RAB37: variants seen among roughly 807,000 people sequenced by gnomAD.
The protein encoded by RAB37 is RAB37, member RAS oncogene family.
Under a neutral mutation model 33.1 loss-of-function variants are expected in RAB37, and 29 were observed. The ratio of observed to expected loss-of-function variants is 0.88; its 90% CI spans 0.65 to 1.20. The LOEUF is 1.20. RAB37 is among the 50% of genes most tolerant of loss of function. RAB37 has a pLI of 0.00. For synonymous variants in RAB37, 128 were observed against 119.5 expected (o/e 1.07, Z -0.47); for missense variants, 299 against 301.1 (o/e 0.99, Z 0.05).
intron 1 of RAB37, among the ~76,000 whole-genome samples, chr17:74,701,507 T>A (rs2033047557): frequency 6.6e-6 from 1 of 152,172 alleles, no homozygotes; most frequent in African/African-American, 2.4e-5. Context: ...TCAAAGCAGT[T>A]TGGTAGAAAA....
chr17:74,741,552 C>T lies in RAB37; in HGVS notation c.204+674C>T, dbSNP rs569140303. Among the ~76,000 whole-genome samples, 8 of 147,858 alleles carry T rather than the reference C, an allele frequency of 5.4e-5. No homozygotes were observed. In the South Asian group the frequency reaches 1.5e-3, roughly 28 times the overall value. On this transcript the variant is annotated intron_variant, in intron 2 of 8. Transcript: ENST00000392613. ...AGTGAGCTGAGATCGCGCCACTGCA[C>T]TCCAGCCTGGGCAACAAAGTGAGAC... is the stretch of plus-strand genomic sequence containing the variant.
At chr17:74,712,980 T>C in intron 1 of RAB37, 1 of 1,072,784 alleles carries the variant, frequency 9.3e-7, no homozygotes, top group Non-Finnish European at 1.4e-6. Context: ...CCTCCTTCAG[T>C]CACTTCCCAT....
rs1262620230 is a variant in RAB37, at chr17:74,729,494, G to C, written c.183+128G>C. The C allele has an allele frequency of 2.3e-5, 17 of 733,436 alleles. No individual in the cohort carries two copies. The highest frequency in any genetic ancestry group is 3.7e-5 in the Non-Finnish European group (15 of 406,928). 45.4% of individuals were successfully genotyped at this position (733,436 alleles called of 1,614,324 possible). ...TTCAAGGAGGATTAAGGAGAAGACT[G>C]TTCCCCAAGGTGTAGGAGGGTGTTG... On this transcript the variant is annotated intron_variant, in intron 2 of 7. Coordinates refer to the RAB37 transcript ENST00000340415. This position sits in a 1 kb window ranked among gnomAD's most constrained non-coding sequence, Gnocchi z 4.2.
intron 1 of RAB37, among the ~76,000 whole-genome samples, chr17:74,715,954 C>T (rs1055770388): frequency 2.0e-5 from 3 of 152,228 alleles, no homozygotes; most frequent in South Asian, 2.1e-4. Context: ...TGCTTGAACC[C>T]GGGAGGCAGA....
intron 1 of RAB37, among the ~76,000 whole-genome samples, chr17:74,728,687 TG>T (rs1485400500): frequency 6.6e-6 from 1 of 151,438 alleles, no homozygotes; most frequent in Non-Finnish European, 1.5e-5. Context: ...TGTGTGCATG[TG>T]TGTTCTGTGC....
chr17:74,702,413 T>C (rs897249300), intron 1 of RAB37, among the ~76,000 whole-genome samples: 2 of 152,208 alleles, frequency 1.3e-5, no homozygotes, highest in Non-Finnish European at 2.9e-5. Context: ...CATTTGTATC[T>C]GCCCATTCTT....
chr17:74,731,870 C>T (rs1040657579), intron 2 of RAB37, among the ~76,000 whole-genome samples: 7 of 152,180 alleles, frequency 4.6e-5, no homozygotes, highest in East Asian at 1.9e-4. Context: ...GTTTGCCAGG[C>T]GTGGTGGCAC....
intron 1 of RAB37, among the ~76,000 whole-genome samples, chr17:74,708,691 C>T (rs985437463): frequency 6.6e-5 from 10 of 152,212 alleles, no homozygotes; most frequent in South Asian, 4.1e-4. Flanking sequence ...CCAAGGCGGG[C>T]GGATCAGGAG....
At chr17:74,694,779 C>T (rs9913698) in intron 1 of RAB37, 158,223 of 234,026 alleles carry the variant, frequency 0.68, 58,055 homozygotes, top group Middle Eastern at 0.81. Context: ...CATTGTATTA[C>T]GATAATGGTA....
chr17:74,697,832 A>T, intron 1 of RAB37, among the ~76,000 whole-genome samples: 1 of 152,180 alleles, frequency 6.6e-6, no homozygotes. Flanking sequence ...CAATTTCCTG[A>T]TCAGACTTGG....
rs761124850 is a variant in RAB37 at position 74,740,848 on chromosome 17, C to G, written c.174C>G (p.Thr58=). 1.9e-6 allele frequency: 3 copies of G among 1,613,962 alleles called. No homozygotes were observed. The highest frequency in any genetic ancestry group is 1.1e-5 in the South Asian group (1 of 91,086). The change falls in exon 2 of 9, where the codon ACC becomes ACG. Residue 58 remains threonine, a synonymous_variant. Transcript: ENST00000392613. The part of the protein sequence containing the change: ...QFKDGAFLSG[T]FIATVGIDFR... ...AAGACGGGGCCTTCCTGTCCGGAACCTTCATAGCCACCGTCGGCATAGACT... is the reference window on the plus strand; with the variant it reads ...AAGACGGGGCCTTCCTGTCCGGAACGTTCATAGCCACCGTCGGCATAGACT...
At chr17:74,701,740 C>T (rs1322342776) in intron 1 of RAB37, among the ~76,000 whole-genome samples, 1 of 151,420 alleles carries the variant, frequency 6.6e-6, no homozygotes, top group African/African-American at 2.4e-5. Context: ...GTTGCAGCTA[C>T]TCGAGAAGCT....
intron 1 of RAB37, among the ~76,000 whole-genome samples, chr17:74,711,828 T>C (rs2033983493): frequency 6.6e-6 from 1 of 152,162 alleles, no homozygotes; most frequent in Non-Finnish European, 1.5e-5. Flanking sequence ...TGTTCTGTTT[T>C]CCTCACAGTA....
intron 1 of RAB37, among the ~76,000 whole-genome samples, chr17:74,728,982 ATG>A (rs1330580283): frequency 5.4e-5 from 8 of 147,460 alleles, no homozygotes; most frequent in Non-Finnish European, 9.0e-5. Flanking sequence ...GTGTACGTGT[ATG>A]TGTGTGCTTC....
chr17:74,729,359 G>A lies in RAB37; in HGVS notation c.176G>A (p.Gly59Glu). 6.2e-7 allele frequency: 1 copy of A among 1,613,346 alleles called. No individual in the cohort carries two copies. The highest frequency in any genetic ancestry group is 8.5e-7 in the Non-Finnish European group (1 of 1,179,338). Reference sequence around the variant, plus strand: ...TCCTTCTCGGCCACTGTGGGCATCGGATTCACGGTAAGCACTGGCCGGCAC... The same window carrying A: ...TCCTTCTCGGCCACTGTGGGCATCGAATTCACGGTAAGCACTGGCCGGCAC... The change falls in exon 2 of 8, where the codon GGA (glycine) becomes GAA (glutamate). Residue 59 changes from glycine (G) to glutamate (E), a missense_variant. Transcript: ENST00000340415. The surrounding 1 kb of genome is among the most constrained non-coding windows in gnomAD (Gnocchi z 4.2).
chr17:74,743,103 C>T, intron 3 of RAB37, 26 bp from the exon 4 acceptor site: 1 of 1,605,938 alleles, frequency 6.2e-7, no homozygotes, highest in South Asian at 1.1e-5. Flanking sequence ...TCCTTCTGAC[C>T]ATTTCTCCAT....
At chr17:74,736,870 G>A, upstream of RAB37, 1 of 1,509,862 alleles carries the variant, frequency 6.6e-7, no homozygotes, top group Middle Eastern at 2.2e-4. Context: ...CCTGGGGACA[G>A]CCCACGGCCC....
intron 1 of RAB37, among the ~76,000 whole-genome samples, chr17:74,728,429 T>C (rs2034334736): frequency 6.6e-6 from 1 of 152,012 alleles, no homozygotes; most frequent in Non-Finnish European, 1.5e-5. Context: ...TGTGCATGTA[T>C]GTTTTGTGTG....
intron 1 of RAB37, among the ~76,000 whole-genome samples, chr17:74,728,398 C>T (rs1022701984): frequency 4.6e-5 from 7 of 151,068 alleles, no homozygotes; most frequent in South Asian, 2.1e-4. Context: ...TATCTGTGTG[C>T]ATGTGTGTGT....
Sources: allele counts gnomAD v4.1 joint callset (sites outside exome capture counted in the v4.1 genomes callset), GRCh38; gene constraint gnomAD v4.1.1; non-coding constraint Gnocchi (gnomAD v3.1); transcripts MANE v1.5; gene names NCBI Gene and HGNC (gene_info 2026-07-23, HGNC 2026-07-21).